Variants in CHL1 observed in about 807,000 individuals in gnomAD.
CHL1 encodes the protein cell adhesion molecule L1 like, also known as neural cell adhesion molecule L1-like protein.
In CHL1, 96 loss-of-function variants were observed where a neutral mutation model predicts 141.9. That is an observed-to-expected ratio of 0.68 (90% CI 0.57 to 0.80). The LOEUF is 0.80. Ranked by LOEUF, CHL1 falls within the 30% of genes least tolerant of loss-of-function variation. The pLI is 0.00. For synonymous variants in CHL1, 613 were observed against 502.2 expected (o/e 1.22, Z -2.95); for missense variants, 1,820 against 1,457.2 (o/e 1.25, Z -4.05).
At chr3:368,664 G>C (rs1339817284) in intron 15 of CHL1, among the ~76,000 whole-genome samples, 1 of 152,084 alleles carries the variant, frequency 6.6e-6, no homozygotes, top group East Asian at 1.9e-4. Context: ...TGAAGTCTTT[G>C]CCCATGCCTA....
intron 2 of CHL1, among the ~76,000 whole-genome samples, chr3:259,374 G>C (rs1694493641): frequency 6.6e-6 from 1 of 151,970 alleles, no homozygotes; most frequent in East Asian, 1.9e-4. Flanking sequence ...AGGAATTGCA[G>C]AGAAATACGA....
chr3:378,377 C>G (rs906013991), intron 16 of CHL1, among the ~76,000 whole-genome samples: 3 of 152,046 alleles, frequency 2.0e-5, no homozygotes, highest in Admixed American at 6.5e-5. Flanking sequence ...TCCCAGGGTT[C>G]CAGGAAGGAT....
At chr3:280,579 G>C (rs1696550369) in intron 2 of CHL1, among the ~76,000 whole-genome samples, 1 of 152,124 alleles carries the variant, frequency 6.6e-6, no homozygotes, top group Non-Finnish European at 1.5e-5. Flanking sequence ...ACTGTATCAA[G>C]CAGGCCCTGA....
intron 15 of CHL1, chr3:373,528 C>G (rs539240760): frequency 6.6e-6 from 1 of 152,552 alleles, no homozygotes; most frequent in Non-Finnish European, 1.5e-5. Context: ...GCCTCTCCCC[C>G]ACCCAGGGAG....
At chr3:405,441 C>A in intron 27 of CHL1, 54 bp from the exon 28 acceptor site, 1 of 1,178,280 alleles carries the variant, frequency 8.5e-7, no homozygotes, top group Non-Finnish European at 1.3e-6. Context: ...TGTTGCTTTA[C>A]ATGAATATTA....
intron 18 of CHL1, 187 bp downstream of exon 18, chr3:382,858 G>A (rs1325459998): frequency 4.2e-5 from 24 of 565,478 alleles, no homozygotes; most frequent in South Asian, 2.0e-4. Flanking sequence ...ATACGAGTTC[G>A]ATAAAAGCAG....
rs1050328663 is a variant in CHL1 at position 328,732 on chromosome 3, G to C, written c.385+378G>C. On this transcript the variant is annotated intron_variant, in intron 5 of 27. Transcript: ENST00000256509. Reference sequence around the variant, plus strand: ...GATAAAGCAATTTACTGTGGGCCTGGCAACTCTTTCATGCAGCCTTCTTGC... The same window carrying C: ...GATAAAGCAATTTACTGTGGGCCTGCCAACTCTTTCATGCAGCCTTCTTGC... 2.6e-5 allele frequency among the ~76,000 whole-genome samples: 4 copies of C among 152,122 alleles called. No individual in the cohort carries two copies. In the East Asian group the frequency reaches 7.7e-4, roughly 29 times the overall value.
intron 2 of CHL1, among the ~76,000 whole-genome samples, chr3:274,724 T>C (rs578089874): frequency 6.6e-6 from 1 of 152,368 alleles, no homozygotes; most frequent in African/African-American, 2.4e-5. Flanking sequence ...CATCTACAGT[T>C]GGATAACTTT....
rs547501675 is a variant in CHL1 at position 325,152 on chromosome 3, C to T, written c.92-807C>T. Among the ~76,000 whole-genome samples, 7 of 149,090 alleles carry T rather than the reference C, an allele frequency of 4.7e-5. No homozygotes were observed. In the Admixed American group the frequency reaches 4.7e-4, roughly 10 times the overall value. ...AACACTAAACAAGCCCATGAAAGAACATTTATTACCCAAAAAAAAAAAGAA... is the reference window on the plus strand; with the variant it reads ...AACACTAAACAAGCCCATGAAAGAATATTTATTACCCAAAAAAAAAAAGAA... On this transcript the variant is annotated intron_variant, in intron 3 of 27. Coordinates refer to ENST00000256509, the MANE Select transcript of CHL1 (RefSeq NM_006614.4).
intron 1 of CHL1, among the ~76,000 whole-genome samples, chr3:224,255 C>G (rs1701123675): frequency 6.6e-6 from 1 of 152,076 alleles, no homozygotes; most frequent in South Asian, 2.1e-4. Flanking sequence ...AAATTTCTCC[C>G]AAAGATAGCT....
At chr3:270,947 G>A (rs969979584) in intron 2 of CHL1, among the ~76,000 whole-genome samples, 2 of 152,200 alleles carry the variant, frequency 1.3e-5, no homozygotes, top group African/African-American at 4.8e-5. Context: ...CCAAGAGGAA[G>A]TAGAAAGCTT....
At chr3:365,100 G>C (rs181858963) in intron 14 of CHL1, among the ~76,000 whole-genome samples, 1 of 152,104 alleles carries the variant, frequency 6.6e-6, no homozygotes, top group Non-Finnish European at 1.5e-5. Context: ...TGAGAAAAAT[G>C]TACATAGCCA....
chr3:390,433 G>A (rs139510178), intron 20 of CHL1, among the ~76,000 whole-genome samples: 245 of 152,320 alleles, frequency 1.6e-3, no homozygotes, highest in South Asian at 6.2e-3. Context: ...AAGGCAAGAT[G>A]CCCACAGAAT....
At position 319,860 on chromosome 3, in the gene CHL1, A is replaced by G. The variant is rs140070064; in HGVS notation, c.84A>G (p.Pro28=). Residue 28 remains proline, a synonymous_variant, in exon 3 of 28, where the codon CCA becomes CCG. Coordinates refer to ENST00000256509, the MANE Select transcript of CHL1 (RefSeq NM_006614.4). ...AATTCTCAAAAGCAATTGAAATACCATCTTCAGGTAAAGTTAAAACATTCA... is the reference window on the plus strand; with the variant it reads ...AATTCTCAAAAGCAATTGAAATACCGTCTTCAGGTAAAGTTAAAACATTCA... ...LLKFSKAIEI[P]SSVQQVPTII... 5 of 1,570,038 alleles carry G rather than the reference A, an allele frequency of 3.2e-6. No individual in the cohort carries two copies. Among genetic ancestry groups the G allele is most frequent in the Admixed American group, 3.4e-5 (2 of 59,386 alleles).
intron 1 of CHL1, among the ~76,000 whole-genome samples, chr3:240,367 TC>T (rs1297065407): frequency 6.6e-6 from 1 of 152,194 alleles, no homozygotes; most frequent in Admixed American, 6.5e-5. Flanking sequence ...GCATTTTTTT[TC>T]TTATGTTTGT....
At chr3:333,358 T>A (rs1399267686) in intron 5 of CHL1, among the ~76,000 whole-genome samples, 1 of 151,990 alleles carries the variant, frequency 6.6e-6, no homozygotes, top group South Asian at 2.1e-4. Flanking sequence ...GAGAATTGGT[T>A]CTTCTCAAAG....
intron 1 of CHL1, among the ~76,000 whole-genome samples, chr3:214,094 G>A (rs1250864358): frequency 6.6e-6 from 1 of 152,200 alleles, no homozygotes; most frequent in East Asian, 1.9e-4. Context: ...GAGGAAGGCA[G>A]TGATATCCAG....
intron 15 of CHL1, 27 bp from the exon 16 acceptor site, chr3:377,791 A>G: frequency 6.3e-7 from 1 of 1,578,990 alleles, no homozygotes. Context: ...TTTCCTTCTC[A>G]TCATGTACTC....
chr3:400,131 A>G (rs1219185700), intron 26 of CHL1, among the ~76,000 whole-genome samples: 1 of 152,244 alleles, frequency 6.6e-6, no homozygotes, highest in Non-Finnish European at 1.5e-5. Context: ...GATTTAGGTT[A>G]CACTGCTATT....
Sources: gnomAD v4.1 joint callset for allele counts (sites outside exome capture counted in the v4.1 genomes callset) on GRCh38, gnomAD v4.1.1 for gene constraint, MANE v1.5 for transcripts, NCBI Gene and HGNC (gene_info 2026-07-23, HGNC 2026-07-21) for gene names.